ZFR2: variants seen among roughly 807,000 people sequenced by gnomAD.
ZFR2 encodes zinc finger RNA-binding protein 2.
ZFR2 carries 104 observed loss-of-function variants against 105.7 expected under a neutral mutation model. The ratio of observed to expected loss-of-function variants is 0.98; its 90% CI spans 0.84 to 1.16. The LOEUF is 1.16. ZFR2 is among the 50% of genes most tolerant of loss of function. ZFR2 has a pLI of 0.00. For missense variants in ZFR2, 1,425 were observed against 1,355.5 expected (o/e 1.05, Z -0.80); for synonymous variants, 634 against 597.7 (o/e 1.06, Z -0.89).
chr19:3,844,542 A>G (rs1218772284), intron 1 of ZFR2, among the ~76,000 whole-genome samples: 3 of 151,814 alleles, frequency 2.0e-5, no homozygotes, highest in Admixed American at 2.0e-4. Flanking sequence ...TAATTTTTGT[A>G]TTTTTGGTAG....
At chr19:3,860,335 G>A (rs1004925882) in intron 1 of ZFR2, among the ~76,000 whole-genome samples, 9 of 151,510 alleles carry the variant, frequency 5.9e-5, no homozygotes, top group Non-Finnish European at 8.8e-5. Context: ...CACTGCACCC[G>A]GCCCGAAAGG....
rs763039647 is a variant in ZFR2 at position 3,866,349 on chromosome 19, C to A, written c.53+2616G>T. Among the ~76,000 whole-genome samples, 3 of 152,174 alleles carry A rather than the reference C, an allele frequency of 2.0e-5. 1 individual carries two copies. Among genetic ancestry groups the A allele is most frequent in the Admixed American group, 2.0e-4 (3 of 15,264 alleles). ...CTTAAGGAAGAACACATTCTCTCTG[C>A]GGCAATTCTAAGGACGGACTAACTC... is the stretch of plus-strand genomic sequence containing the variant. On this transcript the variant is annotated intron_variant, in intron 1 of 18. Transcript: ENST00000262961.
rs1005649411 is a variant in ZFR2 at position 3,832,327 on chromosome 19, A to T, written c.380-449T>A. 2.1e-3 allele frequency among the ~76,000 whole-genome samples: 307 copies of T among 146,126 alleles called. 1 individual carries two copies. The highest frequency in any genetic ancestry group is 6.0e-3 in the African/African-American group (242 of 40,206). On this transcript the variant is annotated intron_variant, in intron 3 of 18. Transcript: ENST00000262961. ...GGATGTTTTTATTATCATTATTATT[A>T]TTTTTTTTTTTTTGAGTCGGAGTCT...
chr19:3,830,181 G>A (rs953996986), intron 5 of ZFR2, among the ~76,000 whole-genome samples: 1 of 152,038 alleles, frequency 6.6e-6, no homozygotes, highest in Non-Finnish European at 1.5e-5. Context: ...GTGTGCACCT[G>A]TAATCCCAGC....
chr19:3,813,778 G>A lies in ZFR2; in HGVS notation c.2242+42C>T, dbSNP rs2037796516. On this transcript the variant is annotated intron_variant, in intron 14 of 18. Transcript: ENST00000262961. The surrounding 1 kb of genome is among the most constrained non-coding windows in gnomAD (Gnocchi z 4.4). ...TGGGTGTGGGGAGCGCCCTGGGGAA[G>A]CGTGAGGGGGACAGTGGTTGGAAGG... is the stretch of plus-strand genomic sequence containing the variant. 1.9e-6 allele frequency: 3 copies of A among 1,608,364 alleles called. No homozygotes were observed. Among genetic ancestry groups the A allele is most frequent in the East Asian group, 2.2e-5 (1 of 44,794 alleles).
intron 1 of ZFR2, among the ~76,000 whole-genome samples, chr19:3,866,877 C>T (rs978810455): frequency 1.3e-5 from 2 of 152,178 alleles, no homozygotes; most frequent in African/African-American, 4.8e-5. Flanking sequence ...ATCAGCAGGT[C>T]ATAGATTCTT....
chr19:3,830,746 C>G (rs1486967616), intron 5 of ZFR2, among the ~76,000 whole-genome samples: 1 of 148,956 alleles, frequency 6.7e-6, no homozygotes, highest in Non-Finnish European at 1.5e-5. Flanking sequence ...TTTGCAAAGA[C>G]AGAGCTCTAG....
rs1351088649 is a variant in ZFR2 at position 3,833,782 on chromosome 19, T to C, written c.265-4A>G. 4 of 1,567,788 alleles carry C rather than the reference T, an allele frequency of 2.6e-6. No homozygotes were observed. Among genetic ancestry groups the C allele is most frequent in the Admixed American group, 1.9e-5 (1 of 53,242 alleles). On this transcript the variant is annotated splice_region_variant and splice_polypyrimidine_tract_variant and intron_variant, in intron 2 of 18. Transcript: ENST00000262961. ...ACTGTCCGTAGCTGTAACTGTCCTATGTGGGGGTTTCGGCAGGAGAGAGAC... is the reference window on the plus strand; with the variant it reads ...ACTGTCCGTAGCTGTAACTGTCCTACGTGGGGGTTTCGGCAGGAGAGAGAC...
rs1290546273 is a variant in ZFR2 at position 3,807,902 on chromosome 19, CAT to C, written c.2546-635_2546-634del. Among the ~76,000 whole-genome samples, 5 of 136,000 alleles carry C rather than the reference CAT, an allele frequency of 3.7e-5. No individual in the cohort carries two copies. The East Asian group carries it at 1.1e-3, about 30-fold the overall frequency. The allele number at this position is 136,000 out of a possible 152,430, so 89.2% of individuals were successfully genotyped here. A position where few individuals can be genotyped will look rare whatever the true frequency, so the allele number is the denominator to read the frequency against. On this transcript the variant is annotated intron_variant, in intron 17 of 18. Transcript: ENST00000262961. The stretch of plus-strand genomic sequence containing the variant: ...GTGTGCATGTGTGCCCGTGTGCACT[CAT>C]GTATGTGTATATGCCCATGTGTGCA...
At chr19:3,844,393 A>G (rs1451462372) in intron 1 of ZFR2, among the ~76,000 whole-genome samples, 1 of 151,672 alleles carries the variant, frequency 6.6e-6, no homozygotes, top group African/African-American at 2.4e-5. Flanking sequence ...TTTGAGACAG[A>G]ATCTTGCTCT....
chr19:3,866,130 C>T (rs374558489), intron 1 of ZFR2, among the ~76,000 whole-genome samples: 34 of 152,268 alleles, frequency 2.2e-4, no homozygotes, highest in Admixed American at 5.9e-4. Context: ...GCTGAGTCAC[C>T]GCGCCTGGCC....
intron 16 of ZFR2, among the ~76,000 whole-genome samples, chr19:3,809,681 T>C (rs893826479): frequency 1.2e-4 from 19 of 152,158 alleles, no homozygotes; most frequent in African/African-American, 3.9e-4. Flanking sequence ...CGGTGGCTCA[T>C]GCCTGTAATC....
chr19:3,815,235 G>A (rs546122845), intron 13 of ZFR2, among the ~76,000 whole-genome samples: 12 of 151,960 alleles, frequency 7.9e-5, no homozygotes, highest in African/African-American at 1.7e-4. Flanking sequence ...GATTACAGGC[G>A]CCCACCACCA....
At chr19:3,806,660 C>G (rs540757215) in intron 18 of ZFR2, among the ~76,000 whole-genome samples, 31 of 152,320 alleles carry the variant, frequency 2.0e-4, no homozygotes, top group South Asian at 6.2e-4. Context: ...GAGGCCCCCC[C>G]GCTCCACTGA....
At position 3,838,809 on chromosome 19, in the gene ZFR2, C is replaced by T. The variant is rs1763758129; in HGVS notation, c.54-3826G>A. ...CTGGCACCACCCAGTATACACTGCA[C>T]GTCTGTCCACAGGCCGTCTCCTCCC... On this transcript the variant is annotated intron_variant, in intron 1 of 18. Coordinates refer to ENST00000262961, the MANE Select transcript of ZFR2 (RefSeq NM_015174.2). This position sits in a 1 kb window ranked among gnomAD's most constrained non-coding sequence, Gnocchi z 4.9. Among the ~76,000 whole-genome samples, 1 of 152,170 alleles carries T rather than the reference C, an allele frequency of 6.6e-6. No individual in the cohort carries two copies. Among genetic ancestry groups the T allele is most frequent in the Non-Finnish European group, 1.5e-5 (1 of 68,036 alleles).
chr19:3,826,800 A>G (rs1267410718), intron 6 of ZFR2, among the ~76,000 whole-genome samples: 1 of 152,130 alleles, frequency 6.6e-6, no homozygotes, highest in Non-Finnish European at 1.5e-5. Flanking sequence ...TGTGAAGAGC[A>G]AGACCTCAAA....
At position 3,823,121 on chromosome 19, in the gene ZFR2, T is replaced by C. The variant is rs2037912778; in HGVS notation, c.1371+125A>G. The C allele has an allele frequency of 7.2e-7, 1 of 1,382,426 alleles. No individual in the cohort carries two copies. The highest frequency in any genetic ancestry group is 1.2e-5 in the South Asian group (1 of 80,072). 85.6% of individuals were successfully genotyped at this position (1,382,426 alleles called of 1,614,324 possible). A position where few individuals can be genotyped will look rare whatever the true frequency, so the allele number is the denominator to read the frequency against. ...TTTTGGTCCATGGAGGTCTGGCCTG[T>C]GCAGCTCAGGAACGGGGATGGGTCT... On this transcript the variant is annotated intron_variant, in intron 8 of 18. Coordinates refer to ENST00000262961, the MANE Select transcript of ZFR2 (RefSeq NM_015174.2). This position sits in a 1 kb window ranked among gnomAD's most constrained non-coding sequence, Gnocchi z 5.4.
chr19:3,854,487 T>A (rs2038275775), intron 1 of ZFR2, among the ~76,000 whole-genome samples: 1 of 152,152 alleles, frequency 6.6e-6, no homozygotes, highest in Non-Finnish European at 1.5e-5. Flanking sequence ...ACACCTGTGG[T>A]AGCTGAGACC....
rs1464526346 is a variant in ZFR2, at chr19:3,823,365, A to G, written c.1252T>C (p.Trp418Arg). 1.2e-6 allele frequency: 2 copies of G among 1,613,582 alleles called. No individual in the cohort carries two copies. Among genetic ancestry groups the G allele is most frequent in the East Asian group, 2.2e-5 (1 of 44,870 alleles). ...EPQAAGCRPQ[W>R]GKPAQPKLEG... The stretch of plus-strand genomic sequence containing the variant: ...AATTTAGGTTGGGCTGGTTTCCCCC[A>G]CTGGGGTCTGCAGCCTGCTGCCTGT... The change falls in exon 8 of 19, where the codon TGG (tryptophan) becomes CGG (arginine). Residue 418 changes from tryptophan to arginine, a missense_variant. Transcript: ENST00000262961. This position sits in a 1 kb window ranked among gnomAD's most constrained non-coding sequence, Gnocchi z 5.4.
Sources: allele counts gnomAD v4.1 joint callset (sites outside exome capture counted in the v4.1 genomes callset), GRCh38; gene constraint gnomAD v4.1.1; non-coding constraint Gnocchi (gnomAD v3.1); transcripts MANE v1.5; gene names NCBI Gene and HGNC (gene_info 2026-07-23, HGNC 2026-07-21).